The following TBC1D22A variants were observed in gnomAD, a reference collection of about 807,000 sequenced individuals.
TBC1D22A encodes the protein TBC1 domain family member 22A.
A neutral mutation model predicts 60.2 loss-of-function variants in TBC1D22A; 38 were observed. The ratio of observed to expected loss-of-function variants is 0.63; its 90% CI spans 0.49 to 0.83. The LOEUF is 0.83. Ranked by LOEUF, TBC1D22A falls within the 40% of genes least tolerant of loss-of-function variation. TBC1D22A has a pLI of 0.00. For synonymous variants in TBC1D22A, 302 were observed against 281.7 expected (o/e 1.07, Z -0.72); for missense variants, 628 against 701.0 (o/e 0.90, Z 1.18).
chr22:46,985,624 C>T (rs2074693588), intron 9 of TBC1D22A, among the ~76,000 whole-genome samples: 1 of 152,176 alleles, frequency 6.6e-6, no homozygotes, highest in Non-Finnish European at 1.5e-5. Flanking sequence ...TAATACTCCA[C>T]CGTGTGAATC....
chr22:46,799,903 G>A (rs992366099), intron 4 of TBC1D22A, among the ~76,000 whole-genome samples: 13 of 152,208 alleles, frequency 8.5e-5, no homozygotes, highest in African/African-American at 2.2e-4. Flanking sequence ...TTGAGGTGGC[G>A]TCTGCCAGCT....
chr22:46,763,342 A>G (rs1189937685), intron 1 of TBC1D22A: 3 of 133,796 alleles, frequency 2.2e-5, no homozygotes, highest in African/African-American at 8.5e-5. Flanking sequence ...GTGAGTTTCC[A>G]TGTTTCTGCT....
chr22:47,022,829 T>C (rs545745299), intron 10 of TBC1D22A, among the ~76,000 whole-genome samples: 1 of 152,326 alleles, frequency 6.6e-6, no homozygotes, highest in East Asian at 1.9e-4. Flanking sequence ...AACGAAATAC[T>C]ACTCTGGCCC....
chr22:46,846,045 G>A (rs2086976245), intron 4 of TBC1D22A, among the ~76,000 whole-genome samples: 1 of 152,238 alleles, frequency 6.6e-6, no homozygotes, highest in African/African-American at 2.4e-5. Context: ...ATGCTTTTTA[G>A]ACATCCATCT....
chr22:47,002,188 C>T (rs1204852405), intron 10 of TBC1D22A, among the ~76,000 whole-genome samples: 1 of 152,192 alleles, frequency 6.6e-6, no homozygotes, highest in African/African-American at 2.4e-5. Flanking sequence ...ATGAGATTTC[C>T]ACTCCGTATT....
At chr22:47,007,554 T>C (rs2061631371) in intron 10 of TBC1D22A, among the ~76,000 whole-genome samples, 1 of 152,190 alleles carries the variant, frequency 6.6e-6, no homozygotes, top group Non-Finnish European at 1.5e-5. Context: ...TTATCATGGT[T>C]TTGGATGCCA....
intron 8 of TBC1D22A, among the ~76,000 whole-genome samples, chr22:46,922,655 G>C (rs1025066497): frequency 6.6e-6 from 1 of 152,198 alleles, no homozygotes; most frequent in Non-Finnish European, 1.5e-5. Context: ...ATGTTACCTG[G>C]TTAGCTGTAT....
At chr22:47,131,730 A>C (rs1011753598) in intron 12 of TBC1D22A, among the ~76,000 whole-genome samples, 2 of 152,170 alleles carry the variant, frequency 1.3e-5, no homozygotes, top group Non-Finnish European at 2.9e-5. Flanking sequence ...GCCCCTTCTC[A>C]GCAGAAGGGA....
intron 1 of TBC1D22A, among the ~76,000 whole-genome samples, chr22:46,787,018 A>G (rs2084187825): frequency 6.6e-6 from 1 of 152,128 alleles, no homozygotes; most frequent in South Asian, 2.1e-4. Flanking sequence ...TTATGTATCT[A>G]GTCATATTTC....
chr22:47,105,440 T>C (rs2065597991), intron 11 of TBC1D22A, among the ~76,000 whole-genome samples: 1 of 152,252 alleles, frequency 6.6e-6, no homozygotes, highest in Admixed American at 6.5e-5. Flanking sequence ...ACATCAAAGC[T>C]GGTCTTTACC....
At chr22:47,083,735 C>G (rs2064565296) in intron 11 of TBC1D22A, among the ~76,000 whole-genome samples, 1 of 152,120 alleles carries the variant, frequency 6.6e-6, no homozygotes, top group Admixed American at 6.5e-5. Context: ...TAAGAACCAT[C>G]CCACACACTG....
At chr22:47,114,315 C>T (rs1305255783) in intron 12 of TBC1D22A, among the ~76,000 whole-genome samples, 1 of 151,838 alleles carries the variant, frequency 6.6e-6, no homozygotes, top group Admixed American at 6.6e-5. Context: ...GCCTGTGGGG[C>T]CCCTGTGACT....
chr22:46,913,983 C>CG (rs1414627695), intron 8 of TBC1D22A: 3 of 160,282 alleles, frequency 1.9e-5, no homozygotes, highest in African/African-American at 7.2e-5. Context: ...TGCCTTCCTG[C>CG]GTCCCCATCC....
At chr22:46,779,931 C>T (rs565024293) in intron 1 of TBC1D22A, among the ~76,000 whole-genome samples, 2 of 152,358 alleles carry the variant, frequency 1.3e-5, no homozygotes, top group African/African-American at 4.8e-5. Flanking sequence ...CCACATGTTT[C>T]TGCTGTTGAC....
intron 11 of TBC1D22A, among the ~76,000 whole-genome samples, chr22:47,059,119 A>C (rs564878809): frequency 6.6e-6 from 1 of 152,228 alleles, no homozygotes; most frequent in Non-Finnish European, 1.5e-5. Flanking sequence ...GAGAACATCA[A>C]GGCTCGGCCA....
chr22:47,055,125 C>T (rs1381918853), intron 11 of TBC1D22A, among the ~76,000 whole-genome samples: 3 of 152,236 alleles, frequency 2.0e-5, no homozygotes, highest in African/African-American at 7.2e-5. Context: ...CTTGCTCCCT[C>T]CTGGGATGTT....
intron 10 of TBC1D22A, among the ~76,000 whole-genome samples, chr22:47,021,187 C>T (rs1401450270): frequency 1.2e-4 from 17 of 142,696 alleles, no homozygotes; most frequent in East Asian, 6.5e-4. Flanking sequence ...TAGCAGAACT[C>T]CACCTGTAGC....
chr22:47,020,842 A>G (rs1417450296), intron 10 of TBC1D22A, among the ~76,000 whole-genome samples: 2 of 146,682 alleles, frequency 1.4e-5, no homozygotes, highest in East Asian at 3.9e-4. Context: ...TCCTGTAATT[A>G]TATAATTACA....
intron 11 of TBC1D22A, among the ~76,000 whole-genome samples, chr22:47,102,278 C>T (rs1031033822): frequency 2.0e-5 from 3 of 152,188 alleles, no homozygotes; most frequent in African/African-American, 4.8e-5. Context: ...TGGCCTTGCG[C>T]TACGCACCTC....
Sources: allele counts gnomAD v4.1 joint callset (sites outside exome capture counted in the v4.1 genomes callset), GRCh38; gene constraint gnomAD v4.1.1; transcripts MANE v1.5; gene names NCBI Gene and HGNC (gene_info 2026-07-23, HGNC 2026-07-21).